The following ANKS1A variants were observed in gnomAD, a reference collection of about 807,000 sequenced individuals.
ANKS1A encodes the protein ankyrin repeat and SAM domain-containing protein 1A.
Under a neutral mutation model 120.3 loss-of-function variants are expected in ANKS1A, and 55 were observed. That is an observed-to-expected ratio of 0.46 (90% CI 0.37 to 0.57). The LOEUF is 0.57. Among genes scored for constraint, ANKS1A ranks in the 20% least tolerant of loss-of-function variants. The pLI is 0.00. For missense variants in ANKS1A, 1,123 were observed against 1,480.3 expected (o/e 0.76, Z 3.96); for synonymous variants, 590 against 604.7 (o/e 0.98, Z 0.36).
chr6:34,980,915 A>G (rs541829312), intron 3 of ANKS1A, among the ~76,000 whole-genome samples: 3 of 152,342 alleles, frequency 2.0e-5, no homozygotes, highest in East Asian at 3.9e-4. Context: ...ATTGATAGCA[A>G]TATTACATTT....
At chr6:34,940,345 G>A (rs1363892462) in intron 1 of ANKS1A, among the ~76,000 whole-genome samples, 2 of 152,192 alleles carry the variant, frequency 1.3e-5, no homozygotes, top group Non-Finnish European at 2.9e-5. Flanking sequence ...GTTGAAAAAT[G>A]TACTTAACCA....
chr6:35,073,799 A>G (rs1033711715), intron 13 of ANKS1A, among the ~76,000 whole-genome samples: 1 of 152,220 alleles, frequency 6.6e-6, no homozygotes, highest in African/African-American at 2.4e-5. Context: ...AGAGGTTTCT[A>G]AAAGCCAGTG....
intron 3 of ANKS1A, among the ~76,000 whole-genome samples, chr6:34,980,808 G>T (rs1338039147): frequency 6.6e-6 from 1 of 152,308 alleles, no homozygotes; most frequent in East Asian, 1.9e-4. Context: ...TTTGCCTCTG[G>T]TGGTTGATAA....
At chr6:34,972,771 T>A in intron 3 of ANKS1A, 1 of 326,908 alleles carries the variant, frequency 3.1e-6, no homozygotes, top group Non-Finnish European at 4.4e-6. Context: ...TCTGCTTCAG[T>A]CCATCTGCTT....
At chr6:35,003,180 A>T (rs2127545612) in intron 10 of ANKS1A, among the ~76,000 whole-genome samples, 1 of 152,252 alleles carries the variant, frequency 6.6e-6, no homozygotes, top group East Asian at 1.9e-4. Flanking sequence ...ATCGCCCCCT[A>T]AGCGAATCAT....
chr6:34,933,728 A>G (rs1769112475), intron 1 of ANKS1A, among the ~76,000 whole-genome samples: 1 of 152,248 alleles, frequency 6.6e-6, no homozygotes, highest in Non-Finnish European at 1.5e-5. Flanking sequence ...ACTTCCTTGG[A>G]TAGCATACCA....
At chr6:35,012,830 G>C (rs2127554446) in intron 10 of ANKS1A, among the ~76,000 whole-genome samples, 1 of 152,260 alleles carries the variant, frequency 6.6e-6, no homozygotes, top group South Asian at 2.1e-4. Flanking sequence ...TGTATGGGTA[G>C]CATAAGAAAC....
At chr6:34,998,559 T>C (rs1483548408) in intron 10 of ANKS1A, among the ~76,000 whole-genome samples, 1 of 152,164 alleles carries the variant, frequency 6.6e-6, no homozygotes, top group Non-Finnish European at 1.5e-5. Context: ...TATCTCTAGA[T>C]TATAGAAAGA....
intron 11 of ANKS1A, among the ~76,000 whole-genome samples, chr6:35,037,162 A>T (rs1238395905): frequency 6.6e-6 from 1 of 152,264 alleles, no homozygotes; most frequent in Admixed American, 6.5e-5. Flanking sequence ...TAGGCAAATG[A>T]AAAGCAGGTC....
intron 1 of ANKS1A, among the ~76,000 whole-genome samples, chr6:34,932,538 C>G (rs779948631): frequency 6.6e-6 from 1 of 152,268 alleles, no homozygotes; most frequent in African/African-American, 2.4e-5. Context: ...GCGTGCATCA[C>G]CACACCTGGC....
chr6:35,069,717 A>AT (rs34879318), intron 13 of ANKS1A, among the ~76,000 whole-genome samples: 1 of 149,948 alleles, frequency 6.7e-6, no homozygotes, highest in African/African-American at 2.5e-5. Flanking sequence ...ATATATATAT[A>AT]TTTTTTTTTT....
rs1181657039 is a variant in ANKS1A at position 35,090,290 on chromosome 6, GT to G, written c.*1683del. 3.9e-6 allele frequency: 5 copies of G among 1,289,648 alleles called. No individual in the cohort carries two copies. The highest frequency in any genetic ancestry group is 5.1e-6 in the Non-Finnish European group (5 of 988,854). 79.9% of individuals were successfully genotyped at this position (1,289,648 alleles called of 1,614,324 possible). A position where few individuals can be genotyped will look rare whatever the true frequency, so the allele number is the denominator to read the frequency against. ...TCTCGGCCCCGGCTTTCTTCCAAGA[GT>G]TGACCAGGAACCCTAAAGCATCCAG... On this transcript the variant is annotated 3_prime_UTR_variant, in exon 24 of 24. Transcript: ENST00000360359.
chr6:34,905,913 C>G (rs1183806022), intron 1 of ANKS1A, among the ~76,000 whole-genome samples: 2 of 152,130 alleles, frequency 1.3e-5, no homozygotes, highest in African/African-American at 4.8e-5. Context: ...ATCCTCTGGT[C>G]TCTGTGCTTG....
intron 10 of ANKS1A, among the ~76,000 whole-genome samples, chr6:34,994,881 T>TA (rs1216144293): frequency 6.6e-6 from 1 of 152,196 alleles, no homozygotes; most frequent in Non-Finnish European, 1.5e-5. Flanking sequence ...ACCCTGTAAC[T>TA]AGAGTGCTCT....
Position 35,086,515 on chromosome 6 carries a change from C to T in ANKS1A, c.3304-437C>T. On this transcript the variant is annotated intron_variant, in intron 22 of 23. Coordinates refer to ENST00000360359, the MANE Select transcript of ANKS1A (RefSeq NM_015245.3). The surrounding 1 kb of genome is among the most constrained non-coding windows in gnomAD (Gnocchi z 5.1). Reference sequence around the variant, plus strand: ...TCTGCCTGTTCTGTGTGTGCTTCAGCCCTCTCTGTTTTTCTGTTGTGTGTC... The same window carrying T: ...TCTGCCTGTTCTGTGTGTGCTTCAGTCCTCTCTGTTTTTCTGTTGTGTGTC... 3.9e-6 allele frequency: 2 copies of T among 514,616 alleles called. No homozygotes were observed. Among genetic ancestry groups the T allele is most frequent in the East Asian group, 6.8e-5 (1 of 14,776 alleles). 31.9% of individuals were successfully genotyped at this position (514,616 alleles called of 1,614,324 possible).
At position 34,978,489 on chromosome 6, in the gene ANKS1A, G is replaced by T. The variant is rs536461957; in HGVS notation, c.436-3201G>T. Among the ~76,000 whole-genome samples the T allele has an allele frequency of 1.2e-3, 183 of 152,272 alleles. 1 individual carries two copies. Among genetic ancestry groups the T allele is most frequent in the Middle Eastern group, 6.8e-3 (2 of 294 alleles). On this transcript the variant is annotated intron_variant, in intron 3 of 23. Transcript: ENST00000360359. ...TAGAATCCTTTCTTTTCTTGTGAGT[G>T]TATTAACCAGCACTTAATAATAGTT... is the stretch of plus-strand genomic sequence containing the variant.
At chr6:34,909,029 T>A (rs1767777198) in intron 1 of ANKS1A, among the ~76,000 whole-genome samples, 2 of 152,246 alleles carry the variant, frequency 1.3e-5, no homozygotes, top group South Asian at 2.1e-4. Context: ...GTTATCATCA[T>A]GAAGATAACA....
At chr6:35,005,892 AAT>A (rs1400006926) in intron 10 of ANKS1A, 3 of 342,090 alleles carry the variant, frequency 8.8e-6, no homozygotes, top group Non-Finnish European at 1.7e-5. Flanking sequence ...ACCTCTACTA[AAT>A]ATACAAGAAT....
At chr6:35,045,224 C>T (rs1036604944) in intron 11 of ANKS1A, among the ~76,000 whole-genome samples, 7 of 152,216 alleles carry the variant, frequency 4.6e-5, no homozygotes, top group African/African-American at 1.7e-4. Flanking sequence ...ATTAACTCCT[C>T]ATTAGAGCCC....
Sources: allele counts gnomAD v4.1 joint callset (sites outside exome capture counted in the v4.1 genomes callset), GRCh38; gene constraint gnomAD v4.1.1; non-coding constraint Gnocchi (gnomAD v3.1); transcripts MANE v1.5; gene names NCBI Gene and HGNC (gene_info 2026-07-23, HGNC 2026-07-21).